PCDH7: variants seen among roughly 807,000 people sequenced by gnomAD.
PCDH7 encodes the protein protocadherin 7.
A neutral mutation model predicts 58.9 loss-of-function variants in PCDH7; 17 were observed. The ratio of observed to expected loss-of-function variants is 0.29; its 90% CI spans 0.20 to 0.43. PCDH7 has a LOEUF of 0.43. PCDH7 is among the 20% of genes least tolerant of loss of function. The pLI is 1.00. For missense variants in PCDH7, 1,274 were observed against 1,441.0 expected, an observed-to-expected ratio of 0.88 and a Z score of 1.88; for synonymous variants, 664 against 616.4, an observed-to-expected ratio of 1.08 and a Z score of -1.14.
At chr4:31,139,330 A>C (rs557835279) in intron 3 of PCDH7, among the ~76,000 whole-genome samples, 2 of 152,316 alleles carry the variant, frequency 1.3e-5, no homozygotes, top group East Asian at 3.9e-4. Context: ...ACTCAATGCC[A>C]GCTAAGATTT....
chr4:30,993,771 A>C (rs1224744543), intron 3 of PCDH7, among the ~76,000 whole-genome samples: 1 of 151,846 alleles, frequency 6.6e-6, no homozygotes, highest in Admixed American at 6.6e-5. Context: ...TGATAATCCT[A>C]AAAAAAACTC....
chr4:31,031,037 G>A (rs950967163), intron 3 of PCDH7, among the ~76,000 whole-genome samples: 2 of 152,140 alleles, frequency 1.3e-5, no homozygotes, highest in African/African-American at 2.4e-5. Flanking sequence ...CTGCACAAAA[G>A]TACGTGTAAT....
chr4:30,877,399 T>C (rs1736428833), intron 1 of PCDH7, among the ~76,000 whole-genome samples: 1 of 152,150 alleles, frequency 6.6e-6, no homozygotes, highest in Admixed American at 6.6e-5. Flanking sequence ...CACCTCGTAG[T>C]GTATTGATTA....
intron 3 of PCDH7, among the ~76,000 whole-genome samples, chr4:31,018,279 C>T (rs1753769462): frequency 6.6e-6 from 1 of 152,118 alleles, no homozygotes; most frequent in South Asian, 2.1e-4. Context: ...AGGAAATATT[C>T]ACCAATGTAA....
intron 2 of PCDH7, among the ~76,000 whole-genome samples, chr4:30,934,957 G>T (rs1745147683): frequency 6.6e-6 from 1 of 151,906 alleles, no homozygotes; most frequent in South Asian, 2.1e-4. Flanking sequence ...GATAATAACT[G>T]CCCTATCTTC....
intron 1 of PCDH7, among the ~76,000 whole-genome samples, chr4:30,774,672 T>C (rs1721835926): frequency 6.6e-6 from 1 of 152,198 alleles, no homozygotes; most frequent in Admixed American, 6.6e-5. Flanking sequence ...TATTAAGGGC[T>C]TACTCTGCAT....
chr4:31,100,638 C>T (rs1714779292), intron 3 of PCDH7, among the ~76,000 whole-genome samples: 1 of 152,122 alleles, frequency 6.6e-6, no homozygotes, highest in Admixed American at 6.6e-5. Context: ...CGGAAATTAA[C>T]AGAAGTAATC....
rs1325185972 is a variant in PCDH7 at position 30,722,013 on chromosome 4, C to T, written c.591C>T (p.Arg197=). The T allele has an allele frequency of 2.4e-6, 3 of 1,263,694 alleles. No individual in the cohort carries two copies. Among genetic ancestry groups the T allele is most frequent in the African/African-American group, 3.1e-5 (2 of 64,148 alleles). 78.3% of individuals were successfully genotyped at this position (1,263,694 alleles called of 1,614,324 possible). Residue 197 remains arginine (R), a synonymous_variant, in exon 1 of 2, where the codon CGC becomes CGT. Coordinates refer to ENST00000361762, the Ensembl canonical transcript of PCDH7. This position sits in a 1 kb window ranked among gnomAD's most constrained non-coding sequence, Gnocchi z 7.6. ...GCGGCAGCGGCGGCGAGAGCCGGCG[C>T]GCCGGGGCGGCCGACAGCGCCCCCT...
At chr4:30,794,405 G>A (rs1033641457) in intron 1 of PCDH7, among the ~76,000 whole-genome samples, 4 of 152,108 alleles carry the variant, frequency 2.6e-5, no homozygotes, top group African/African-American at 9.7e-5. Context: ...CTTTGAATTT[G>A]TATAATACAG....
chr4:31,075,649 G>T (rs1335437049), intron 3 of PCDH7, among the ~76,000 whole-genome samples: 1 of 152,104 alleles, frequency 6.6e-6, no homozygotes, highest in Non-Finnish European at 1.5e-5. Flanking sequence ...CTCTGATAAT[G>T]CTAACTGTGT....
At chr4:30,746,404 C>T (rs867297166) in intron 1 of PCDH7, among the ~76,000 whole-genome samples, 2 of 152,056 alleles carry the variant, frequency 1.3e-5, no homozygotes, top group South Asian at 4.1e-4. Flanking sequence ...GGCCCTGCAG[C>T]GTGAAGGGAG....
intron 3 of PCDH7, among the ~76,000 whole-genome samples, chr4:31,124,022 C>T (rs1332542741): frequency 2.0e-5 from 3 of 152,206 alleles, no homozygotes; most frequent in African/African-American, 7.2e-5. Context: ...GCTTTTCTGC[C>T]AGTGGAGCTT....
intron 3 of PCDH7, among the ~76,000 whole-genome samples, chr4:31,093,592 CCA>C (rs896941786): frequency 3.3e-5 from 3 of 90,522 alleles, no homozygotes; most frequent in African/African-American, 1.9e-4. Context: ...AGTGAATTTT[CCA>C]CACACACACA....
intron 1 of PCDH7, among the ~76,000 whole-genome samples, chr4:30,894,174 G>A (rs1314227505): frequency 6.6e-6 from 1 of 152,012 alleles, no homozygotes; most frequent in African/African-American, 2.4e-5. Flanking sequence ...GACCTCCAGT[G>A]CTTGAAGTTT....
At chr4:31,137,499 G>A (rs1000359865) in intron 3 of PCDH7, among the ~76,000 whole-genome samples, 2 of 152,138 alleles carry the variant, frequency 1.3e-5, no homozygotes, top group East Asian at 1.9e-4. Context: ...CATGAGAATC[G>A]CTTGAACCCA....
intron 1 of PCDH7, among the ~76,000 whole-genome samples, chr4:30,919,573 A>G (rs1451531412): frequency 6.6e-6 from 1 of 152,146 alleles, no homozygotes; most frequent in African/African-American, 2.4e-5. Flanking sequence ...GACTCTTACA[A>G]TTTCAAGGTC....
At chr4:30,909,289 C>T (rs1248321836) in intron 1 of PCDH7, among the ~76,000 whole-genome samples, 1 of 152,176 alleles carries the variant, frequency 6.6e-6, no homozygotes, top group African/African-American at 2.4e-5. Flanking sequence ...GATGCCCTCT[C>T]TCACCATTCC....
At chr4:30,908,826 A>G (rs1741340991) in intron 1 of PCDH7, among the ~76,000 whole-genome samples, 1 of 152,198 alleles carries the variant, frequency 6.6e-6, no homozygotes, top group Non-Finnish European at 1.5e-5. Context: ...TCCCTAACTC[A>G]TTTTGTGAGG....
intron 3 of PCDH7, among the ~76,000 whole-genome samples, chr4:31,129,360 G>T (rs1486445715): frequency 6.6e-6 from 1 of 152,148 alleles, no homozygotes; most frequent in Non-Finnish European, 1.5e-5. Context: ...ACTCATGAGA[G>T]ACAGATAACA....
Sources: gnomAD v4.1 joint callset for allele counts (sites outside exome capture counted in the v4.1 genomes callset) on GRCh38, gnomAD v4.1.1 for gene constraint, Gnocchi (gnomAD v3.1) non-coding constraint, MANE v1.5 for transcripts, NCBI Gene and HGNC (gene_info 2026-07-23, HGNC 2026-07-21) for gene names.